RIDA: variants seen among roughly 807,000 people sequenced by gnomAD.
RIDA encodes reactive intermediate imine deaminase A.
A neutral mutation model predicts 17.8 loss-of-function variants in RIDA; 17 were observed. The observed-to-expected ratio is 0.96, with a 90% CI of 0.65 to 1.43. RIDA has a LOEUF of 1.43. Ranked by LOEUF, RIDA falls within the 40% of genes most tolerant of loss-of-function variation. The pLI, the probability that RIDA is intolerant of heterozygous loss-of-function variation, is 0.00. For missense variants in RIDA, 158 were observed against 161.7 expected (o/e 0.98, Z 0.12); for synonymous variants, 48 against 55.7 (o/e 0.86, Z 0.62).
At chr8:98,106,357 ACT>A in intron 2 of RIDA, 31 bp from the exon 3 acceptor site, 1 of 1,574,080 alleles carries the variant, frequency 6.4e-7, no homozygotes, top group African/African-American at 1.3e-5. Flanking sequence ...GGCCTAAGTC[ACT>A]GATGTTAGAT....
intron 1 of RIDA, among the ~76,000 whole-genome samples, chr8:98,112,355 C>G (rs1229710728): frequency 6.6e-6 from 1 of 152,156 alleles, no homozygotes; most frequent in Non-Finnish European, 1.5e-5. Context: ...CCCAAGGTAT[C>G]TTAGACTCTA....
rs114378513 is a variant in RIDA, at chr8:98,109,752, T to C, written c.66-1001A>G. ...CTGAGACTAAAGGTGTGCACCACCA[T>C]GCCTGGCTAATTTTTTATTTTATTA... On this transcript the variant is annotated intron_variant, in intron 1 of 5. Transcript: ENST00000254878. Among the ~76,000 whole-genome samples the C allele has an allele frequency of 3.7e-3, 563 of 152,250 alleles. 5 individuals are homozygous for C. The highest frequency in any genetic ancestry group is 0.013 in the African/African-American group (520 of 41,548).
chr8:98,103,540 G>T (rs1351644993), intron 5 of RIDA, among the ~76,000 whole-genome samples: 1 of 152,060 alleles, frequency 6.6e-6, no homozygotes, highest in African/African-American at 2.4e-5. Context: ...CAATATCCAG[G>T]TGAAATTTTT....
intron 1 of RIDA, among the ~76,000 whole-genome samples, chr8:98,109,693 C>G (rs1005689255): frequency 6.6e-6 from 1 of 152,062 alleles, no homozygotes; most frequent in Non-Finnish European, 1.5e-5. Context: ...CCTCCCAGGC[C>G]CAAGTGATCC....
chr8:98,112,280 A>G (rs1338421126), intron 1 of RIDA, among the ~76,000 whole-genome samples: 1 of 151,828 alleles, frequency 6.6e-6, no homozygotes, highest in East Asian at 1.9e-4. Flanking sequence ...CTTTGGTTGT[A>G]TCTTCCTTAT....
At chr8:98,104,072 T>C (rs1815600938) in intron 5 of RIDA, among the ~76,000 whole-genome samples, 1 of 150,366 alleles carries the variant, frequency 6.7e-6, no homozygotes, top group Non-Finnish European at 1.5e-5. Context: ...AAGCAGGGTC[T>C]ATTTCTTTTC....
At chr8:98,106,523 C>T in intron 2 of RIDA, 197 bp from the exon 3 acceptor site, 1 of 537,966 alleles carries the variant, frequency 1.9e-6, no homozygotes, top group Non-Finnish European at 3.3e-6. Flanking sequence ...AAAATGTTGT[C>T]TCCTTTTGTG....
At chr8:98,103,653 T>G (rs1020155657) in intron 5 of RIDA, among the ~76,000 whole-genome samples, 3 of 152,114 alleles carry the variant, frequency 2.0e-5, no homozygotes, top group South Asian at 4.1e-4. Context: ...TTTTTTTTTT[T>G]TGTGATGGAG....
Position 98,110,873 on chromosome 8 carries a change from C to T in RIDA, c.66-2122G>A, listed in dbSNP as rs539104158. On this transcript the variant is annotated intron_variant, in intron 1 of 5. Coordinates refer to ENST00000254878, the MANE Select transcript of RIDA (RefSeq NM_005836.3). ...CTGTTCTCATGATAGTGAGTTCTCA[C>T]GTGATCTAACAGTTTTATAAGTGTC... is the stretch of plus-strand genomic sequence containing the variant. 2.0e-4 allele frequency among the ~76,000 whole-genome samples: 30 copies of T among 150,650 alleles called. No individual in the cohort carries two copies. In the South Asian group the frequency reaches 4.9e-3, roughly 25 times the overall value.
At position 98,105,207 on chromosome 8, in the gene RIDA, T is replaced by C. The variant is rs185480679; in HGVS notation, c.296-663A>G. On this transcript the variant is annotated intron_variant, in intron 4 of 5. Transcript: ENST00000254878. ...GAATGGAGTTTTGTTTTTAAAGTGA[T>C]ATTTATAAACTATTTATCTAAATAG... Among the ~76,000 whole-genome samples the C allele has an allele frequency of 2.6e-5, 4 of 151,952 alleles. No homozygotes were observed. The East Asian group carries it at 5.8e-4, about 22-fold the overall frequency.
Position 98,117,044 on chromosome 8 carries a change from A to C in RIDA, c.53T>G (p.Ile18Ser). The C allele has an allele frequency of 6.2e-7, 1 of 1,613,458 alleles. No individual in the cohort carries two copies. Among genetic ancestry groups the C allele is most frequent in the African/African-American group, 1.3e-5 (1 of 75,066 alleles). The change falls in exon 1 of 6, where the codon ATT (isoleucine) becomes AGT (serine). Residue 18 changes from isoleucine to serine, a missense_variant. Ile to Ser is a moderately radical substitution (Grantham distance 142). Transcript: ENST00000254878. ...VISTAKAPGA[I>S]GPYSQAVLVD... ...CCAGCCACGTTACCTGTAGGGTCCA[A>C]TGGCCCCTGGGGCTTTCGCGGTGCT...
intron 3 of RIDA, 83 bp downstream of exon 3, chr8:98,106,189 G>A (rs1030081028): frequency 5.1e-5 from 66 of 1,297,948 alleles, no homozygotes; most frequent in East Asian, 1.2e-4. Context: ...GATATGGCAC[G>A]GCATCTTACT....
Position 98,104,481 on chromosome 8 carries a change from G to A in RIDA, c.351+8C>T, listed in dbSNP as rs750761252. ...ACTGTGTACATTAGTCATTTAAAGT[G>A]TACTTACTTTGGGTAAAGCAGCAAC... On this transcript the variant is annotated splice_region_variant and intron_variant, in intron 5 of 5. Coordinates refer to ENST00000254878, the MANE Select transcript of RIDA (RefSeq NM_005836.3). 1 of 1,517,400 alleles carries A rather than the reference G, an allele frequency of 6.6e-7. No individual in the cohort carries two copies. The highest frequency in any genetic ancestry group is 1.1e-5 in the South Asian group (1 of 88,836). The allele number at this position is 1,517,400 out of a possible 1,614,324, so 94.0% of individuals were successfully genotyped here.
intron 1 of RIDA, chr8:98,113,964 A>T (rs1815764611): frequency 6.6e-6 from 1 of 152,198 alleles, no homozygotes. Context: ...TTTTTAAAAG[A>T]TCTGATCATG....
In RIDA at chr8:98,117,168, G is replaced by C. The variant is rs1337236465; in HGVS notation, c.-72C>G. 1.4e-6 allele frequency: 2 copies of C among 1,425,420 alleles called. No individual in the cohort carries two copies. Among genetic ancestry groups the C allele is most frequent in the Admixed American group, 1.7e-5 (1 of 59,630 alleles). 88.3% of individuals were successfully genotyped at this position (1,425,420 alleles called of 1,614,324 possible). ...CACCAGCCCTGCTGGCTTCTTACTGGACTGACCAACCACAGCAGCGCCTCT... is the reference window on the plus strand; with the variant it reads ...CACCAGCCCTGCTGGCTTCTTACTGCACTGACCAACCACAGCAGCGCCTCT... On this transcript the variant is annotated 5_prime_UTR_variant, in exon 1 of 6. Coordinates refer to ENST00000254878, the MANE Select transcript of RIDA (RefSeq NM_005836.3).
chr8:98,115,628 C>A (rs564376813), intron 1 of RIDA, among the ~76,000 whole-genome samples: 3 of 151,620 alleles, frequency 2.0e-5, no homozygotes, highest in East Asian at 3.9e-4. Context: ...TGACCTCAAG[C>A]AATCCTCTTA....
Position 98,117,081 on chromosome 8 carries a change from T to A in RIDA, c.16A>T (p.Arg6Ter). The change falls in exon 1 of 6, where the codon AGA (arginine) becomes TGA (stop). Residue 6 changes from arginine to a stop codon, truncating the protein, a stop_gained. Coordinates refer to ENST00000254878, the MANE Select transcript of RIDA (RefSeq NM_005836.3). LOFTEE classifies it high-confidence loss of function. ...GCTTTCGCGGTGCTGATCACCCTTC[T>A]GATCAAGGACGACATGGCTAAGCCT... The part of the protein sequence containing the change: MSSLI[R>*]RVISTAKAPG... 1 of 1,614,176 alleles carries A rather than the reference T, an allele frequency of 6.2e-7. No homozygotes were observed. The highest frequency in any genetic ancestry group is 8.5e-7 in the Non-Finnish European group (1 of 1,179,978).
intron 5 of RIDA, among the ~76,000 whole-genome samples, chr8:98,103,862 T>C (rs1273935690): frequency 6.6e-6 from 1 of 151,972 alleles, no homozygotes; most frequent in Non-Finnish European, 1.5e-5. Flanking sequence ...ATGGTCTCGA[T>C]CTTCTGACCT....
At chr8:98,116,328 C>G (rs1247008194) in intron 1 of RIDA, among the ~76,000 whole-genome samples, 2 of 152,098 alleles carry the variant, frequency 1.3e-5, no homozygotes, top group Non-Finnish European at 2.9e-5. Context: ...ATAATAATTC[C>G]TGTTCTGCCA....
Sources: allele counts gnomAD v4.1 joint callset (sites outside exome capture counted in the v4.1 genomes callset), GRCh38; gene constraint gnomAD v4.1.1; transcripts MANE v1.5; gene names NCBI Gene and HGNC (gene_info 2026-07-23, HGNC 2026-07-21).